The following KAZN variants were observed in gnomAD, a reference collection of about 807,000 sequenced individuals.
KAZN encodes the protein kazrin, periplakin interacting protein.
A neutral mutation model predicts 87.4 loss-of-function variants in KAZN; 40 were observed. The observed-to-expected ratio is 0.46, with a 90% CI of 0.36 to 0.60. The LOEUF is 0.60. Ranked by LOEUF, KAZN falls within the 20% of genes least tolerant of loss-of-function variation. The pLI is 0.00. For synonymous variants in KAZN, 466 were observed against 458.3 expected, an observed-to-expected ratio of 1.02 and a Z score of -0.22; for missense variants, 898 against 1,073.9, an observed-to-expected ratio of 0.84 and a Z score of 2.29.
chr1:14,968,938 C>G (rs150713655), intron 2 of KAZN, among the ~76,000 whole-genome samples: 37 of 152,318 alleles, frequency 2.4e-4, no homozygotes, highest in African/African-American at 8.4e-4. Flanking sequence ...TTACTTGAAT[C>G]CTATTTTTCC....
At chr1:15,072,579 A>G (rs1309212971) in intron 8 of KAZN, among the ~76,000 whole-genome samples, 1 of 152,152 alleles carries the variant, frequency 6.6e-6, no homozygotes, top group Non-Finnish European at 1.5e-5. Flanking sequence ...CTTATGCAGT[A>G]TTTTCTTTGT....
chr1:15,067,537 C>T (rs1639301874), intron 8 of KAZN: 1 of 985,384 alleles, frequency 1.0e-6, no homozygotes, highest in African/African-American at 1.7e-5. Context: ...GCTCAACCCA[C>T]ACCTCTAGAC....
intron 3 of KAZN, among the ~76,000 whole-genome samples, chr1:15,041,254 AC>A (rs1457805797): frequency 7.2e-6 from 1 of 139,680 alleles, no homozygotes; most frequent in Non-Finnish European, 1.5e-5. Flanking sequence ...GAGCCACCGC[AC>A]CCGGCTCCTA....
chr1:15,091,977 A>G (rs962218655), intron 8 of KAZN, among the ~76,000 whole-genome samples: 4 of 119,000 alleles, frequency 3.4e-5, no homozygotes, highest in African/African-American at 1.6e-4. Flanking sequence ...TGGATGGATA[A>G]GCATTTTTTT....
chr1:14,123,914 G>A, intron 1 of KAZN, among the ~76,000 whole-genome samples: 1 of 152,146 alleles, frequency 6.6e-6, no homozygotes, highest in East Asian at 1.9e-4. Flanking sequence ...CAGCTCCCAA[G>A]TGGCCCAGGC....
intron 1 of KAZN, among the ~76,000 whole-genome samples, chr1:14,609,713 A>C (rs966850255): frequency 6.6e-5 from 10 of 152,252 alleles, no homozygotes; most frequent in Non-Finnish European, 1.5e-4. Context: ...ATCTCTTTGC[A>C]GAATCCAAAG....
chr1:13,992,974 A>C (rs61775651), intron 1 of KAZN, among the ~76,000 whole-genome samples: 20,855 of 152,174 alleles, frequency 0.14, 1,558 homozygotes, highest in Middle Eastern at 0.2. Context: ...AAGACTGAAA[A>C]CACAGCATGA....
chr1:13,950,846 G>C lies in KAZN; in HGVS notation c.91+57090G>C, dbSNP rs1054204876. 5.9e-5 allele frequency among the ~76,000 whole-genome samples: 9 copies of C among 152,164 alleles called. No homozygotes were observed. The East Asian group carries it at 1.3e-3, about 23-fold the overall frequency. Reference sequence around the variant, plus strand: ...ATGCAGTTCCCACTGGCTGCCTCTTGGGGCGTTTCAGGGGCAAGGTCGTCT... The same window carrying C: ...ATGCAGTTCCCACTGGCTGCCTCTTCGGGCGTTTCAGGGGCAAGGTCGTCT... On this transcript the variant is annotated intron_variant, in intron 1 of 16. Coordinates refer to the KAZN transcript ENST00000636203.
At chr1:14,549,837 C>T (rs561298745) in intron 2 of KAZN, among the ~76,000 whole-genome samples, 2 of 152,310 alleles carry the variant, frequency 1.3e-5, no homozygotes, top group Admixed American at 6.5e-5. Flanking sequence ...TTGCCAACTT[C>T]CTCAGCAGCC....
chr1:15,114,646 G>A lies in KAZN; in HGVS notation c.*11G>A. ...GTCACCAACGTGTAAGGAACTGGTG[G>A]CTCCACCAGACCCAACGTGAGAGAC... On this transcript the variant is annotated 3_prime_UTR_variant, in exon 15 of 15. Coordinates refer to ENST00000376030, the MANE Select transcript of KAZN (RefSeq NM_201628.3). 2.5e-6 allele frequency: 4 copies of A among 1,570,306 alleles called. No individual in the cohort carries two copies. Among genetic ancestry groups the A allele is most frequent in the Non-Finnish European group, 3.5e-6 (4 of 1,157,542 alleles).
At chr1:14,540,240 C>T (rs1672729350) in intron 2 of KAZN, among the ~76,000 whole-genome samples, 1 of 152,188 alleles carries the variant, frequency 6.6e-6, no homozygotes, top group Non-Finnish European at 1.5e-5. Flanking sequence ...CATACGGTGA[C>T]ACTGGCCTTC....
At chr1:14,767,288 C>G (rs1400953878) in intron 1 of KAZN, among the ~76,000 whole-genome samples, 1 of 152,128 alleles carries the variant, frequency 6.6e-6, no homozygotes, top group South Asian at 2.1e-4. Context: ...TTTATTGGAG[C>G]CTGTTCTGTT....
chr1:14,964,584 G>A (rs1190548165), intron 2 of KAZN, among the ~76,000 whole-genome samples: 1 of 152,128 alleles, frequency 6.6e-6, no homozygotes, highest in East Asian at 1.9e-4. Context: ...AGACAGATGC[G>A]GGCAGAAGGA....
chr1:14,007,740 T>C (rs115993565), intron 1 of KAZN, among the ~76,000 whole-genome samples: 2,323 of 152,328 alleles, frequency 0.015, 62 homozygotes, highest in African/African-American at 0.054. Context: ...GTGCAAATCA[T>C]CTGCTTTTGT....
chr1:14,430,079 G>C (rs932032336), intron 2 of KAZN, among the ~76,000 whole-genome samples: 5 of 151,824 alleles, frequency 3.3e-5, no homozygotes, highest in Non-Finnish European at 2.9e-5. Context: ...CTTCTGCCTG[G>C]AACACTTTCC....
chr1:14,459,411 A>G (rs1182204337), intron 2 of KAZN, among the ~76,000 whole-genome samples: 6 of 148,498 alleles, frequency 4.0e-5, no homozygotes, highest in East Asian at 3.9e-4. Flanking sequence ...GGCCAAGGGG[A>G]AAAAAAAAAG....
intron 1 of KAZN, among the ~76,000 whole-genome samples, chr1:14,145,900 T>A (rs1281824834): frequency 6.6e-6 from 1 of 152,144 alleles, no homozygotes; most frequent in African/African-American, 2.4e-5. Flanking sequence ...AACAACGGGG[T>A]CATGATTATA....
intron 1 of KAZN, among the ~76,000 whole-genome samples, chr1:14,067,533 G>T (rs1643055798): frequency 6.6e-6 from 1 of 152,116 alleles, no homozygotes; most frequent in Admixed American, 6.5e-5. Context: ...GGGGAGGATG[G>T]GCATGGGCTT....
At chr1:14,642,171 G>A (rs543712353) in intron 1 of KAZN, among the ~76,000 whole-genome samples, 13 of 152,300 alleles carry the variant, frequency 8.5e-5, no homozygotes, top group Admixed American at 2.6e-4. Context: ...AGGCCAAGGC[G>A]GGCAGATGAC....
Sources: allele counts gnomAD v4.1 joint callset (sites outside exome capture counted in the v4.1 genomes callset), GRCh38; gene constraint gnomAD v4.1.1; transcripts MANE v1.5; gene names NCBI Gene and HGNC (gene_info 2026-07-23, HGNC 2026-07-21).